The following KRT77 variants were observed in gnomAD, a reference collection of about 807,000 sequenced individuals.
KRT77 encodes the protein keratin, type II cytoskeletal 1b.
KRT77 carries 44 observed loss-of-function variants against 51.5 expected under a neutral mutation model. The observed-to-expected ratio is 0.85, with a 90% CI of 0.67 to 1.10. The LOEUF is 1.10. Among genes scored for constraint, KRT77 ranks in the 50% least tolerant of loss-of-function variants. The pLI, the probability that KRT77 is intolerant of heterozygous loss-of-function variation, is 0.00. For synonymous variants in KRT77, 293 were observed against 302.0 expected, an observed-to-expected ratio of 0.97 and a Z score of 0.31; for missense variants, 763 against 743.9, an observed-to-expected ratio of 1.03 and a Z score of -0.30.
chr12:52,691,538 C>G (rs1941710117), intron 8 of KRT77, 99 bp from the exon 9 acceptor site: 3 of 1,374,826 alleles, frequency 2.2e-6, no homozygotes, highest in Non-Finnish European at 2.9e-6. Flanking sequence ...CCTCGATCAC[C>G]CGTGGCATCG....
intron 2 of KRT77, among the ~76,000 whole-genome samples, chr12:52,697,029 C>T (rs954026555): frequency 6.6e-6 from 1 of 152,226 alleles, no homozygotes; most frequent in Admixed American, 6.5e-5. Flanking sequence ...AATTCGACAA[C>T]TCCCGTCACC....
intron 2 of KRT77, chr12:52,696,801 G>T: frequency 5.2e-6 from 1 of 192,950 alleles, no homozygotes; most frequent in Non-Finnish European, 1.1e-5. Flanking sequence ...TTTTTGAAGA[G>T]AAAAAATTTA....
In KRT77 at chr12:52,691,273, G is replaced by C. The variant is rs772860182; in HGVS notation, c.1629C>G (p.Gly543=). ...TCCCTCCGTAGCTCCCGCCACCGCC[G>C]CCGCAGCCGCTGCCATAACCGCCTC... ...RSGGGYGSGC[G]GGGGSYGGSG... is the part of the protein sequence containing the mutation. Residue 543 remains glycine (G), a synonymous_variant, in exon 9 of 9, where the codon GGC becomes GGG. Transcript: ENST00000341809. 2 of 1,597,878 alleles carry C rather than the reference G, an allele frequency of 1.3e-6. No homozygotes were observed. The highest frequency in any genetic ancestry group is 1.7e-6 in the Non-Finnish European group (2 of 1,171,136).
Position 52,697,797 on chromosome 12 carries a change from A to G in KRT77, c.643T>C (p.Leu215=). The change falls in exon 2 of 9, where the codon TTG becomes CTG. Residue 215 remains leucine (L), a synonymous_variant. Coordinates refer to ENST00000341809, the MANE Select transcript of KRT77 (RefSeq NM_175078.3). ...STGTNNLEPL[L]ENYIGDLRRQ... ...CGCAGGTCACCGATGTAGTTCTCCA[A>G]GAGGGGCTCCAGGTTGTTGGTTCCA... The G allele has an allele frequency of 6.2e-7, 1 of 1,614,060 alleles. No homozygotes were observed. The highest frequency in any genetic ancestry group is 8.5e-7 in the Non-Finnish European group (1 of 1,179,970).
rs751078405 is a variant in KRT77, at chr12:52,694,764, G to A, written c.942C>T (p.Ile314=). ...LTELSQVQTH[I]SDTNVILSMD... is the part of the protein sequence containing the mutation. ...TGGACAGGATGACGTTGGTGTCGCTGATGTGAGTCTGCACCTGAGACAGCT... is the reference window on the plus strand; with the variant it reads ...TGGACAGGATGACGTTGGTGTCGCTAATGTGAGTCTGCACCTGAGACAGCT... The change falls in exon 5 of 9, where the codon ATC becomes ATT. Residue 314 remains isoleucine (I), a synonymous_variant. Coordinates refer to ENST00000341809, the MANE Select transcript of KRT77 (RefSeq NM_175078.3). The A allele has an allele frequency of 5.0e-6, 8 of 1,610,864 alleles. No homozygotes were observed. The highest frequency in any genetic ancestry group is 6.8e-6 in the Non-Finnish European group (8 of 1,177,606).
rs1941904821 is a variant in KRT77, at chr12:52,702,873, C to T, written c.543+19G>A. ...TTTGGTCAGTGACCAATGACCCTCC[C>T]TGCCCCTGAGGTGCTCACCTTGTCA... is the stretch of plus-strand genomic sequence containing the variant. On this transcript the variant is annotated intron_variant, in intron 1 of 8. Transcript: ENST00000341809. The T allele has an allele frequency of 1.2e-6, 2 of 1,613,038 alleles. No individual in the cohort carries two copies. Among genetic ancestry groups the T allele is most frequent in the Non-Finnish European group, 1.7e-6 (2 of 1,179,370 alleles).
chr12:52,702,701 C>T (rs2121083356), intron 1 of KRT77, among the ~76,000 whole-genome samples, 191 bp downstream of exon 1: 1 of 152,142 alleles, frequency 6.6e-6, no homozygotes, highest in East Asian at 1.9e-4. Flanking sequence ...TGCTTATCTC[C>T]TTTCCTGCCA....
chr12:52,695,656 G>A (rs1941784767), intron 4 of KRT77, 116 bp downstream of exon 4: 4 of 630,610 alleles, frequency 6.3e-6, no homozygotes, highest in Non-Finnish European at 8.2e-6. Context: ...GGGGTACCTG[G>A]GGAGATGAGT....
In KRT77 at chr12:52,692,767, G is replaced by A. The variant is rs771815735; in HGVS notation, c.1194C>T (p.Asn398=). Residue 398 remains asparagine, a synonymous_variant, in exon 6 of 9, where the codon AAC becomes AAT. Coordinates refer to ENST00000341809, the MANE Select transcript of KRT77 (RefSeq NM_175078.3). The stretch of plus-strand genomic sequence containing the variant: ...GCACCCGTCCCACCTGCTTCTTCAC[G>A]TTGCTGATCTCTGCCTGCAGCCTCT... The part of the protein sequence containing the change: ...TVQRLQAEIS[N]VKKQIEQMQS... 18 of 1,604,206 alleles carry A rather than the reference G, an allele frequency of 1.1e-5. 2 individuals carry two copies. The highest frequency in any genetic ancestry group is 2.7e-5 in the African/African-American group (2 of 74,688).
intron 5 of KRT77, among the ~76,000 whole-genome samples, chr12:52,694,060 AT>A (rs1323259256): frequency 2.6e-5 from 4 of 151,852 alleles, no homozygotes; most frequent in Non-Finnish European, 5.9e-5. Flanking sequence ...AGTAAAAAAA[AT>A]ATATTTTAAT....
Position 52,691,437 on chromosome 12 carries a change from C to A in KRT77, c.1465G>T (p.Val489Leu), listed in dbSNP as rs368000634. 8.2e-6 allele frequency: 13 copies of A among 1,585,354 alleles called. No homozygotes were observed. In the African/African-American group the frequency reaches 1.3e-4, roughly 16 times the overall value. ...TTGACGCTCACCTGGCTGTTCTGCA[C>A]GGCTGTGGGTAGGGGACAGTGCACA... Reference protein sequence around the residue: ...GELQSHVSISVQNSQVSVNGG... With the variant: ...GELQSHVSISLQNSQVSVNGG... Residue 489 changes from valine (V) to leucine (L), a missense_variant and splice_region_variant, in exon 9 of 9, where the codon GTG becomes TTG. Physicochemically the swap from Val to Leu is conservative, Grantham distance 32 (BLOSUM62 1). Transcript: ENST00000341809.
At position 52,698,629 on chromosome 12, in the gene KRT77, G is replaced by C. The variant is rs547879923; in HGVS notation, c.544-733C>G. ...CACCACCTCTTCTCCCAAAACTGTG[G>C]ATATGGAGGTAAGATGCGGGGCCCA... On this transcript the variant is annotated intron_variant, in intron 1 of 8. Transcript: ENST00000341809. 9.8e-5 allele frequency among the ~76,000 whole-genome samples: 15 copies of C among 152,304 alleles called. No homozygotes were observed. In the South Asian group the frequency reaches 3.1e-3, roughly 32 times the overall value.
At chr12:52,697,433 A>T (rs1941810803) in intron 2 of KRT77, among the ~76,000 whole-genome samples, 1 of 152,248 alleles carries the variant, frequency 6.6e-6, no homozygotes, top group Admixed American at 6.5e-5. Flanking sequence ...ACTGGAAATC[A>T]GGCTTACTTG....
At position 52,690,817 on chromosome 12, in the gene KRT77, C is replaced by G; in HGVS notation, c.*348G>C. 2.3e-6 allele frequency: 1 copy of G among 429,460 alleles called. No individual in the cohort carries two copies. The highest frequency in any genetic ancestry group is 4.2e-6 in the Non-Finnish European group (1 of 236,948). 26.6% of individuals were successfully genotyped at this position (429,460 alleles called of 1,614,324 possible). A position where few individuals can be genotyped will look rare whatever the true frequency, so the allele number is the denominator to read the frequency against. On this transcript the variant is annotated 3_prime_UTR_variant, in exon 9 of 9. Transcript: ENST00000341809. ...GAATGATAACAATGACTTCTCCCTA[C>G]CTTGCCAACTCACGCAGCCTCTGCC...
rs1165443475 is a variant in KRT77 at position 52,692,469 on chromosome 12, TC to T, written c.1378del (p.Asp460MetfsTer26). The T allele has an allele frequency of 6.2e-7, 1 of 1,613,876 alleles. No homozygotes were observed. Among genetic ancestry groups the T allele is most frequent in the African/African-American group, 1.3e-5 (1 of 74,858 alleles). ...CTGGCGGTAGGTGGCGATCTCCACATCCAGGGACAGCTTGACCCCCAGCATG... is the reference window on the plus strand; with the variant it reads ...CTGGCGGTAGGTGGCGATCTCCACATCAGGGACAGCTTGACCCCCAGCATG... ...QAMLGVKLSLDVEIATYRQLL... is the reference protein window; with the variant it reads ...QAMLGVKLSLXVEIATYRQLL... On this transcript the variant is annotated frameshift_variant, in exon 7 of 9. Coordinates refer to ENST00000341809, the MANE Select transcript of KRT77 (RefSeq NM_175078.3). LOFTEE classifies it high-confidence loss of function.
In KRT77 at chr12:52,690,936, T is replaced by G; in HGVS notation, c.*229A>C. On this transcript the variant is annotated 3_prime_UTR_variant, in exon 9 of 9. Coordinates refer to ENST00000341809, the MANE Select transcript of KRT77 (RefSeq NM_175078.3). Reference sequence around the variant, plus strand: ...CAGGGCCAGCAGAGCGGGGTCTGAGTGAGAATGTGCCTAGCTGTGAATCTG... The same window carrying G: ...CAGGGCCAGCAGAGCGGGGTCTGAGGGAGAATGTGCCTAGCTGTGAATCTG... 5.0e-5 allele frequency: 31 copies of G among 618,236 alleles called. No individual in the cohort carries two copies. The highest frequency in any genetic ancestry group is 5.8e-5 in the Non-Finnish European group (21 of 359,038). 38.3% of individuals were successfully genotyped at this position (618,236 alleles called of 1,614,324 possible).
intron 1 of KRT77, among the ~76,000 whole-genome samples, chr12:52,699,071 A>G (rs1486712143): frequency 6.6e-6 from 1 of 152,118 alleles, no homozygotes; most frequent in African/African-American, 2.4e-5. Flanking sequence ...CCCATGGCTC[A>G]TTTTTGCTCA....
chr12:52,691,173 A>C lies in KRT77; in HGVS notation c.1729T>G (p.Leu577Val). Reference protein sequence around the residue: ...TSTNTSHRRILE With the variant: ...TSTNTSHRRIVE ...TGGCAGAAACGAGGCCTCTACTCCA[A>C]GATCCGCCTGTGGGAGGTGTTGGTG... Residue 577 changes from leucine to valine, a missense_variant, in exon 9 of 9, where the codon TTG becomes GTG. Coordinates refer to ENST00000341809, the MANE Select transcript of KRT77 (RefSeq NM_175078.3). 1.9e-6 allele frequency: 3 copies of C among 1,614,118 alleles called. No homozygotes were observed. Among genetic ancestry groups the C allele is most frequent in the Non-Finnish European group, 2.5e-6 (3 of 1,179,994 alleles).
chr12:52,690,311 T>C lies in KRT77; in HGVS notation c.*854A>G, dbSNP rs1358430626. The C allele has an allele frequency of 1.3e-5, 2 of 152,264 alleles. No homozygotes were observed. Among genetic ancestry groups the C allele is most frequent in the Non-Finnish European group, 2.9e-5 (2 of 68,062 alleles). The allele number at this position is 152,264 out of a possible 1,614,324, so 9.4% of individuals were successfully genotyped here. A position where few individuals can be genotyped will look rare whatever the true frequency, so the allele number is the denominator to read the frequency against. ...GGTAAGGATTCATGACCCTATGCCC[T>C]CTGAAATACTTCCACCTTGAGTTGT... On this transcript the variant is annotated 3_prime_UTR_variant, in exon 9 of 9. Coordinates refer to ENST00000341809, the MANE Select transcript of KRT77 (RefSeq NM_175078.3).
Sources: gnomAD v4.1 joint callset for allele counts (sites outside exome capture counted in the v4.1 genomes callset) on GRCh38, gnomAD v4.1.1 for gene constraint, MANE v1.5 for transcripts, NCBI Gene and HGNC (gene_info 2026-07-23, HGNC 2026-07-21) for gene names.